The following GRID1 variants were observed in gnomAD, a reference collection of about 807,000 sequenced individuals.
GRID1 encodes the protein glutamate ionotropic receptor delta type subunit 1.
Under a neutral mutation model 98.0 loss-of-function variants are expected in GRID1, and 28 were observed. That is an observed-to-expected ratio of 0.29 (90% CI 0.21 to 0.39). GRID1 has a LOEUF of 0.39. Among genes scored for constraint, GRID1 ranks in the 10% least tolerant of loss-of-function variants. The pLI is 1.00. For synonymous variants in GRID1, 553 were observed against 538.5 expected, an observed-to-expected ratio of 1.03 and a Z score of -0.37; for missense variants, 1,111 against 1,340.5, an observed-to-expected ratio of 0.83 and a Z score of 2.67.
At chr10:85,806,061 C>T (rs1842620787) in intron 8 of GRID1, among the ~76,000 whole-genome samples, 1 of 148,004 alleles carries the variant, frequency 6.8e-6, no homozygotes, top group African/African-American at 2.5e-5. Flanking sequence ...ATTCACAATA[C>T]ATACACCTAA....
intron 2 of GRID1, among the ~76,000 whole-genome samples, chr10:86,334,229 A>G (rs1440807817): frequency 6.6e-6 from 1 of 152,180 alleles, no homozygotes; most frequent in African/African-American, 2.4e-5. Flanking sequence ...CATATCAATT[A>G]AAATTATAAT....
At chr10:85,850,053 C>A (rs950817125) in intron 8 of GRID1, among the ~76,000 whole-genome samples, 6 of 152,174 alleles carry the variant, frequency 3.9e-5, no homozygotes, top group Non-Finnish European at 8.8e-5. Flanking sequence ...GTCTACCTCC[C>A]CCACCCTCCT....
chr10:86,112,995 C>T, intron 4 of GRID1, among the ~76,000 whole-genome samples: 1 of 152,160 alleles, frequency 6.6e-6, no homozygotes, highest in Non-Finnish European at 1.5e-5. Context: ...CTCAGAAGCC[C>T]TCAATGACCC....
At chr10:86,336,470 C>T (rs952202524) in intron 2 of GRID1, among the ~76,000 whole-genome samples, 1 of 152,150 alleles carries the variant, frequency 6.6e-6, no homozygotes, top group African/African-American at 2.4e-5. Flanking sequence ...CTCTAGAGCC[C>T]AAGCAGGCAG....
At chr10:85,809,407 T>C (rs745741331) in intron 8 of GRID1, among the ~76,000 whole-genome samples, 17 of 152,176 alleles carry the variant, frequency 1.1e-4, no homozygotes, top group Non-Finnish European at 2.5e-4. Flanking sequence ...ATTATAGTCA[T>C]ACTCCCAAAA....
intron 2 of GRID1, among the ~76,000 whole-genome samples, chr10:86,329,935 A>G (rs4934183): frequency 0.8 from 122,110 of 152,018 alleles, 50,123 homozygotes; most frequent in Non-Finnish European, 0.89. Context: ...TGACCACCAC[A>G]GCCCTCTCCT....
chr10:85,835,330 C>T (rs1020207687), intron 8 of GRID1, among the ~76,000 whole-genome samples: 17 of 152,170 alleles, frequency 1.1e-4, no homozygotes, highest in African/African-American at 4.1e-4. Flanking sequence ...TGGCTGTGTC[C>T]CCACCCAAAT....
chr10:86,159,612 C>CAACTA (rs778946351), intron 3 of GRID1, among the ~76,000 whole-genome samples: 3 of 152,192 alleles, frequency 2.0e-5, no homozygotes, highest in Non-Finnish European at 4.4e-5. Flanking sequence ...AAGCAATGCA[C>CAACTA]AACTATATTT....
chr10:85,976,029 T>C (rs1446180258), intron 4 of GRID1, among the ~76,000 whole-genome samples: 1 of 152,144 alleles, frequency 6.6e-6, no homozygotes, highest in Non-Finnish European at 1.5e-5. Flanking sequence ...CCTTACCAGC[T>C]CATCACGGGG....
At chr10:86,076,083 T>G (rs901031792) in intron 4 of GRID1, among the ~76,000 whole-genome samples, 1 of 152,220 alleles carries the variant, frequency 6.6e-6, no homozygotes, top group Non-Finnish European at 1.5e-5. Flanking sequence ...CCCTATTTTC[T>G]GGGAAAGGCT....
At chr10:85,795,042 C>A (rs1310244912) in intron 8 of GRID1, among the ~76,000 whole-genome samples, 1 of 152,140 alleles carries the variant, frequency 6.6e-6, no homozygotes, top group Non-Finnish European at 1.5e-5. Flanking sequence ...AAGATGAAGA[C>A]AATACTGACA....
At chr10:85,614,255 A>G (rs544042037) in intron 14 of GRID1, among the ~76,000 whole-genome samples, 1 of 152,340 alleles carries the variant, frequency 6.6e-6, no homozygotes, top group Non-Finnish European at 1.5e-5. Context: ...AAAATGAATC[A>G]AAGTAGAGGT....
chr10:85,678,370 T>C (rs1841169274), intron 12 of GRID1, among the ~76,000 whole-genome samples: 1 of 152,248 alleles, frequency 6.6e-6, no homozygotes, highest in Non-Finnish European at 1.5e-5. Context: ...CACCGGCCTC[T>C]TTCAAAGACA....
chr10:85,916,258 C>A lies in GRID1; in HGVS notation c.727-19G>T. The A allele has an allele frequency of 1.3e-6, 2 of 1,596,214 alleles. No individual in the cohort carries two copies. The highest frequency in any genetic ancestry group is 8.6e-7 in the Non-Finnish European group (1 of 1,163,810). On this transcript the variant is annotated intron_variant, in intron 4 of 15. Coordinates refer to ENST00000327946, the MANE Select transcript of GRID1 (RefSeq NM_017551.3). This position sits in a 1 kb window ranked among gnomAD's most constrained non-coding sequence, Gnocchi z 4.0. The stretch of plus-strand genomic sequence containing the variant: ...CCACGGCCTGCAGAGAGAAAAAGAA[C>A]GAACATGAACAGAAGCAAGACAGAA...
At chr10:85,871,632 G>A (rs1843279411) in intron 5 of GRID1, among the ~76,000 whole-genome samples, 1 of 152,214 alleles carries the variant, frequency 6.6e-6, no homozygotes, top group Non-Finnish European at 1.5e-5. Context: ...TAAAAAGGAA[G>A]CTAATGAGGT....
At chr10:86,086,059 C>T (rs1844051048) in intron 4 of GRID1, among the ~76,000 whole-genome samples, 1 of 152,152 alleles carries the variant, frequency 6.6e-6, no homozygotes, top group African/African-American at 2.4e-5. Context: ...TGCTGTTCCC[C>T]ATGTCCCCAG....
intron 10 of GRID1, among the ~76,000 whole-genome samples, chr10:85,726,881 A>T (rs1275531508): frequency 6.6e-6 from 1 of 152,224 alleles, no homozygotes; most frequent in Non-Finnish European, 1.5e-5. Context: ...AAATCATTGA[A>T]TTGTATATCT....
intron 4 of GRID1, among the ~76,000 whole-genome samples, chr10:86,032,829 TAAAAAAAA>T (rs58350170): frequency 4.6e-5 from 5 of 109,884 alleles, no homozygotes; most frequent in Non-Finnish European, 7.1e-5. Flanking sequence ...AATAAATACT[TAAAAAAAA>T]AAAAAAAAAA....
chr10:86,017,219 T>C (rs1255435859), intron 4 of GRID1, among the ~76,000 whole-genome samples: 1 of 152,230 alleles, frequency 6.6e-6, no homozygotes, highest in Non-Finnish European at 1.5e-5. Flanking sequence ...ATTTTACCTA[T>C]GGGAATAACA....
Sources: gnomAD v4.1 joint callset for allele counts (sites outside exome capture counted in the v4.1 genomes callset) on GRCh38, gnomAD v4.1.1 for gene constraint, Gnocchi (gnomAD v3.1) non-coding constraint, MANE v1.5 for transcripts, NCBI Gene and HGNC (gene_info 2026-07-23, HGNC 2026-07-21) for gene names.